Variants in PLA2G4E observed in about 807,000 individuals in gnomAD.
PLA2G4E encodes phospholipase A2 group IVE.
In PLA2G4E, 84 loss-of-function variants were observed where a neutral mutation model predicts 109.1. The ratio of observed to expected loss-of-function variants is 0.77; its 90% CI spans 0.65 to 0.92. PLA2G4E has a LOEUF of 0.92. PLA2G4E is among the 40% of genes least tolerant of loss of function. The pLI is 0.00. For missense variants in PLA2G4E, 1,057 were observed against 1,076.6 expected, an observed-to-expected ratio of 0.98 and a Z score of 0.25; for synonymous variants, 469 against 436.1, an observed-to-expected ratio of 1.08 and a Z score of -0.94.
At chr15:42,007,944 C>T (rs2068494394) in intron 2 of PLA2G4E, 79 bp from the exon 3 acceptor site, 1 of 1,464,336 alleles carries the variant, frequency 6.8e-7, no homozygotes, top group Admixed American at 2.0e-5. Flanking sequence ...AGGCAAGCCT[C>T]TTCCAGAGCC....
chr15:41,999,813 C>G lies in PLA2G4E; in HGVS notation c.936+104G>C, dbSNP rs576238898. The stretch of plus-strand genomic sequence containing the variant: ...CCATCCTGCCTGAGAGAGACCCTCA[C>G]GAGTCACATTCTCTCTTGTACCTCC... On this transcript the variant is annotated intron_variant, in intron 9 of 19. Coordinates refer to ENST00000399518, the Ensembl canonical transcript of PLA2G4E. 7.0e-6 allele frequency: 9 copies of G among 1,291,504 alleles called. No homozygotes were observed. The South Asian group carries it at 7.7e-5, about 11-fold the overall frequency. 80.0% of individuals were successfully genotyped at this position (1,291,504 alleles called of 1,614,324 possible).
At chr15:42,011,041 C>T (rs151318501) in intron 2 of PLA2G4E, among the ~76,000 whole-genome samples, 2 of 152,362 alleles carry the variant, frequency 1.3e-5, no homozygotes, top group Non-Finnish European at 2.9e-5. Flanking sequence ...GCAACACAGC[C>T]CAGCCTGCAG....
intron 13 of PLA2G4E, 30 bp from the exon 14 acceptor site, chr15:41,990,265 G>A: frequency 6.3e-7 from 1 of 1,596,258 alleles, no homozygotes; most frequent in Non-Finnish European, 8.6e-7. Flanking sequence ...TTAAAGAGAA[G>A]CAGCAGCCCA....
chr15:42,010,234 C>A (rs778975430), intron 2 of PLA2G4E: 1 of 487,270 alleles, frequency 2.1e-6, no homozygotes, highest in Non-Finnish European at 4.1e-6. Flanking sequence ...TTCTGTAATG[C>A]ACTTGGCGCG....
chr15:42,012,949 A>C (rs2068552019), intron 2 of PLA2G4E, among the ~76,000 whole-genome samples: 1 of 152,102 alleles, frequency 6.6e-6, no homozygotes, highest in African/African-American at 2.4e-5. Flanking sequence ...AGGGGTGGGC[A>C]GTGTGGGAGG....
At chr15:42,036,229 C>CCG (rs879382417) in intron 1 of PLA2G4E, among the ~76,000 whole-genome samples, 32 of 152,214 alleles carry the variant, frequency 2.1e-4, no homozygotes, top group Non-Finnish European at 3.7e-4. Context: ...CTGCAGCCCA[C>CCG]CGCCCTGGGG....
chr15:42,034,873 A>T (rs2141073029), intron 1 of PLA2G4E, among the ~76,000 whole-genome samples: 1 of 152,366 alleles, frequency 6.6e-6, no homozygotes, highest in Admixed American at 6.5e-5. Context: ...TACATGAGAC[A>T]ATAAAGGCTT....
At chr15:42,017,928 C>T (rs993678577) in intron 1 of PLA2G4E, among the ~76,000 whole-genome samples, 1 of 152,206 alleles carries the variant, frequency 6.6e-6, no homozygotes, top group Non-Finnish European at 1.5e-5. Context: ...AGCCTTAGAT[C>T]ACACCCTCCA....
intron 6 of PLA2G4E, among the ~76,000 whole-genome samples, 158 bp from the exon 7 acceptor site, chr15:42,001,378 C>T (rs192659465): frequency 1.4e-4 from 22 of 152,290 alleles, no homozygotes; most frequent in Admixed American, 4.6e-4. Context: ...ATTTTCTGAA[C>T]CCAATCAAGG....
chr15:42,002,118 T>C (rs62004270), intron 6 of PLA2G4E, among the ~76,000 whole-genome samples: 8,092 of 152,024 alleles, frequency 0.053, 378 homozygotes, highest in Admixed American at 0.16. Context: ...GAAACCAGCC[T>C]GGGCAACATG....
chr15:41,989,965 G>A (rs2068215204), intron 14 of PLA2G4E, among the ~76,000 whole-genome samples, 156 bp downstream of exon 14: 1 of 152,194 alleles, frequency 6.6e-6, no homozygotes, highest in Non-Finnish European at 1.5e-5. Flanking sequence ...GGCAGATTGG[G>A]GTAGCAAAGG....
chr15:41,998,358 G>A (rs1437465695), intron 10 of PLA2G4E: 2 of 152,158 alleles, frequency 1.3e-5, no homozygotes, highest in Non-Finnish European at 2.9e-5. Context: ...ATTAGCTGAC[G>A]TTTGCTGAGC....
At chr15:41,995,636 A>G (rs1242958617) in intron 11 of PLA2G4E, 140 bp from the exon 12 acceptor site, 1 of 1,020,352 alleles carries the variant, frequency 9.8e-7, no homozygotes, top group Non-Finnish European at 1.4e-6. Context: ...GCGTTGAGCC[A>G]CCTGACACCT....
chr15:42,036,005 C>G (rs538693808), intron 1 of PLA2G4E, among the ~76,000 whole-genome samples: 2 of 151,912 alleles, frequency 1.3e-5, no homozygotes, highest in Admixed American at 6.5e-5. Context: ...TTTTTTTTCT[C>G]TACTTTACAT....
At chr15:41,998,384 T>A (rs61218004) in intron 10 of PLA2G4E, 1 of 152,208 alleles carries the variant, frequency 6.6e-6, no homozygotes, top group African/African-American at 2.4e-5. Flanking sequence ...ACTTGCCAGA[T>A]GGATTACTGA....
exon 7 of PLA2G4E, chr15:42,001,180 C>T (rs977381479): frequency 5.0e-6 from 8 of 1,613,744 alleles, no homozygotes; most frequent in Non-Finnish European, 5.1e-6. Flanking sequence ...CCTCCGCCTC[C>T]TGGATTGTGC....
At position 42,037,105 on chromosome 15, in the gene PLA2G4E, T is replaced by A. The variant is rs112569246; in HGVS notation, c.183+13416A>T. Among the ~76,000 whole-genome samples the A allele has an allele frequency of 8.6e-3, 1,308 of 152,332 alleles. 21 individuals carry two copies. The highest frequency in any genetic ancestry group is 0.03 in the African/African-American group (1,254 of 41,578). ...GGGGGGTGAGGCCAAGGTGGGGGAC[T>A]GAGGGCAGCTCCGTGCTGGCCTGTA... On this transcript the variant is annotated intron_variant, in intron 1 of 19. Coordinates refer to ENST00000399518, the Ensembl canonical transcript of PLA2G4E.
intron 1 of PLA2G4E, among the ~76,000 whole-genome samples, chr15:42,043,582 AAAC>A (rs1215325444): frequency 6.8e-4 from 102 of 149,276 alleles, no homozygotes; most frequent in African/African-American, 2.4e-3. Context: ...AAAAAAAAAA[AAAC>A]AACCACAAAC....
chr15:42,019,296 C>T (rs1439562391), intron 1 of PLA2G4E, among the ~76,000 whole-genome samples: 3 of 152,226 alleles, frequency 2.0e-5, no homozygotes, highest in Non-Finnish European at 4.4e-5. Context: ...CTAGCCGTTA[C>T]CACAAATCAG....
Sources: allele counts gnomAD v4.1 joint callset (sites outside exome capture counted in the v4.1 genomes callset), GRCh38; gene constraint gnomAD v4.1.1; transcripts MANE v1.5; gene names NCBI Gene and HGNC (gene_info 2026-07-23, HGNC 2026-07-21).